Variants in CKAP2 observed in about 807,000 individuals in gnomAD.
CKAP2 encodes cytoskeleton-associated protein 2.
Under a neutral mutation model 58.4 loss-of-function variants are expected in CKAP2, and 46 were observed. The observed-to-expected ratio is 0.79, with a 90% CI of 0.62 to 1.01. The LOEUF is 1.01. CKAP2 is among the 50% of genes least tolerant of loss of function. The pLI, the probability that CKAP2 is intolerant of heterozygous loss-of-function variation, is 0.00. For missense variants in CKAP2, 809 were observed against 796.4 expected (o/e 1.02, Z -0.19); for synonymous variants, 293 against 280.9 (o/e 1.04, Z -0.43).
At chr13:52,460,674 G>C (rs765221166) in intron 2 of CKAP2, among the ~76,000 whole-genome samples, 1 of 149,010 alleles carries the variant, frequency 6.7e-6, no homozygotes, top group Non-Finnish European at 1.5e-5. Flanking sequence ...GGATGGTCTC[G>C]ATCTCCTGAC....
chr13:52,455,655 C>CGGTGGT, intron 1 of CKAP2, 29 bp downstream of exon 1: 1 of 1,403,786 alleles, frequency 7.1e-7, no homozygotes, highest in East Asian at 2.7e-5. Flanking sequence ...GTGGCGGTGG[C>CGGTGGT]GGTGGCGGTG....
intron 5 of CKAP2, 65 bp downstream of exon 5, chr13:52,462,632 T>C: frequency 2.4e-6 from 3 of 1,258,962 alleles, no homozygotes; most frequent in East Asian, 2.4e-5. Context: ...CATTATTTCA[T>C]TAAATTATAT....
chr13:52,469,876 G>A (rs1005057494), intron 7 of CKAP2, among the ~76,000 whole-genome samples: 43 of 151,916 alleles, frequency 2.8e-4, no homozygotes, highest in Non-Finnish European at 4.9e-4. Context: ...GATTACAGGC[G>A]TGAGCCACCG....
intron 2 of CKAP2, among the ~76,000 whole-genome samples, chr13:52,457,341 T>G (rs1001289500): frequency 6.6e-6 from 1 of 152,198 alleles, no homozygotes; most frequent in Non-Finnish European, 1.5e-5. Context: ...AGCTTTTTAC[T>G]CAGTGTATGG....
Position 52,455,905 on chromosome 13 carries a change from G to T in CKAP2, c.70+279G>T, listed in dbSNP as rs1958470520. 4 of 1,138,388 alleles carry T rather than the reference G, an allele frequency of 3.5e-6. No individual in the cohort carries two copies. The South Asian group carries it at 1.3e-4, about 37-fold the overall frequency. The allele number at this position is 1,138,388 out of a possible 1,614,324, so 70.5% of individuals were successfully genotyped here. On this transcript the variant is annotated intron_variant, in intron 1 of 8. Coordinates refer to ENST00000258607, the MANE Select transcript of CKAP2 (RefSeq NM_018204.5). Reference sequence around the variant, plus strand: ...GGCGAGGGGAAACGCGCGGGCCTCAGGCCGGGGTCGGTGTCGGAGACCCTG... The same window carrying T: ...GGCGAGGGGAAACGCGCGGGCCTCATGCCGGGGTCGGTGTCGGAGACCCTG...
rs2137831886 is a variant in CKAP2, at chr13:52,457,470, T to C, written c.155+863T>C. ...TTGTTAAAATATCTTAGATAGTACA[T>C]AGCTGTAGCAAAAACAAAAACCCAT... On this transcript the variant is annotated intron_variant, in intron 2 of 8. Coordinates refer to ENST00000258607, the MANE Select transcript of CKAP2 (RefSeq NM_018204.5). Among the ~76,000 whole-genome samples the C allele has an allele frequency of 1.3e-5, 2 of 152,252 alleles. 1 individual carries two copies. The highest frequency in any genetic ancestry group is 4.1e-4 in the South Asian group (2 of 4,822).
chr13:52,455,576 C>T lies in CKAP2; in HGVS notation c.20C>T (p.Pro7Leu), dbSNP rs914267734. The T allele has an allele frequency of 5.0e-6, 8 of 1,612,486 alleles. No individual in the cohort carries two copies. In the African/African-American group the frequency reaches 9.4e-5, roughly 19 times the overall value. Residue 7 changes from proline (P) to leucine (L), a missense_variant, in exon 1 of 9, where the codon CCC (proline) becomes CTC (leucine). By Grantham distance (98) the Pro-to-Leu change is moderately conservative. Transcript: ENST00000258607. ...GCTACGATGAGCACACCGGCCGTGC[C>T]CCAGGACCTGCAGCTGCCCCCGAGT... MSTPAV[P>L]QDLQLPPSQR...
At chr13:52,466,851 G>A (rs183141475) in intron 6 of CKAP2, among the ~76,000 whole-genome samples, 191 of 152,116 alleles carry the variant, frequency 1.3e-3, no homozygotes, top group Middle Eastern at 3.4e-3. Context: ...ATCCCAACAC[G>A]TTGGGAAGCC....
At chr13:52,459,051 A>G (rs947142955) in intron 2 of CKAP2, among the ~76,000 whole-genome samples, 1 of 152,174 alleles carries the variant, frequency 6.6e-6, no homozygotes, top group African/African-American at 2.4e-5. Flanking sequence ...AAGACAGAAT[A>G]GGATTAAGTC....
At position 52,456,753 on chromosome 13, in the gene CKAP2, G is replaced by C; in HGVS notation, c.155+146G>C. Reference sequence around the variant, plus strand: ...CTTACATATTATTTTACGTCTTTTTGTGGTACAACGTCTTTAAAATCTGGT... The same window carrying C: ...CTTACATATTATTTTACGTCTTTTTCTGGTACAACGTCTTTAAAATCTGGT... On this transcript the variant is annotated intron_variant, in intron 2 of 8. Coordinates refer to ENST00000258607, the MANE Select transcript of CKAP2 (RefSeq NM_018204.5). 6.4e-6 allele frequency: 4 copies of C among 627,064 alleles called. No individual in the cohort carries two copies. The East Asian group carries it at 1.1e-4, about 17-fold the overall frequency. 38.8% of individuals were successfully genotyped at this position (627,064 alleles called of 1,614,324 possible).
chr13:52,474,974 C>T lies in CKAP2; in HGVS notation c.1882C>T (p.Arg628Ter), dbSNP rs768288248. The T allele has an allele frequency of 3.7e-6, 6 of 1,613,978 alleles. No homozygotes were observed. The highest frequency in any genetic ancestry group is 1.7e-5 in the Admixed American group (1 of 60,020). The change falls in exon 9 of 9, where the codon CGA (arginine) becomes TGA (stop). Residue 628 changes from arginine to a stop codon, truncating the protein, a stop_gained. Coordinates refer to ENST00000258607, the MANE Select transcript of CKAP2 (RefSeq NM_018204.5). LOFTEE classifies it high-confidence loss of function. ...GTTTTTAACACCAGTGAGACGTTCT[C>T]GACGTCTTCAAGAGAAAACTTCTAA... The part of the protein sequence containing the change: ...LKFLTPVRRS[R>*]RLQEKTSKLP...
rs1958651958 is a variant in CKAP2, at chr13:52,465,391, C to T, written c.1402C>T (p.Leu468Phe). ...KLVKYWICLA[L>F]IEPITSPIEN... ...TGTTAAGTATTGGATATGTCTTGCA[C>T]TTATTGAACCAATCACAAGTCCTAT... The change falls in exon 6 of 9, where the codon CTT (leucine) becomes TTT (phenylalanine). Residue 468 changes from leucine (L) to phenylalanine (F), a missense_variant. Transcript: ENST00000258607. 6.2e-7 allele frequency: 1 copy of T among 1,613,264 alleles called. No individual in the cohort carries two copies. Among genetic ancestry groups the T allele is most frequent in the African/African-American group, 1.3e-5 (1 of 74,914 alleles).
Position 52,462,579 on chromosome 13 carries a change from A to G in CKAP2, c.1305+12A>G, listed in dbSNP as rs896044807. 2.5e-6 allele frequency: 4 copies of G among 1,596,628 alleles called. No homozygotes were observed. The highest frequency in any genetic ancestry group is 2.7e-5 in the African/African-American group (2 of 74,030). ...ACTTGATTAATGAGGTAGAGTCTTT[A>G]TATTTGCTTAGCATTTTATAGTTTG... On this transcript the variant is annotated intron_variant, in intron 5 of 8. Coordinates refer to ENST00000258607, the MANE Select transcript of CKAP2 (RefSeq NM_018204.5).
chr13:52,461,592 A>G lies in CKAP2; in HGVS notation c.766A>G (p.Ile256Val), dbSNP rs758769443. The change falls in exon 4 of 9, where the codon ATT (isoleucine) becomes GTT (valine). Residue 256 changes from isoleucine to valine, a missense_variant. Physicochemically the swap from Ile to Val is conservative, Grantham distance 29. This residue lies in a region of CKAP2 where 523 missense variants were observed against 492.4 expected (regional missense o/e 1.06). Transcript: ENST00000258607. ...GAACACACAACTTGTGCGACCTCCTATTAGAAGTCATCACAGTAATACCCG... is the reference window on the plus strand; with the variant it reads ...GAACACACAACTTGTGCGACCTCCTGTTAGAAGTCATCACAGTAATACCCG... ...SQNTQLVRPPIRSHHSNTRDT... is the reference protein window; with the variant it reads ...SQNTQLVRPPVRSHHSNTRDT... 16 of 1,614,050 alleles carry G rather than the reference A, an allele frequency of 9.9e-6. No individual in the cohort carries two copies. Among genetic ancestry groups the G allele is most frequent in the East Asian group, 6.7e-5 (3 of 44,898 alleles).
chr13:52,463,955 A>G (rs951726186), intron 5 of CKAP2, among the ~76,000 whole-genome samples: 1 of 152,122 alleles, frequency 6.6e-6, no homozygotes, highest in Non-Finnish European at 1.5e-5. Context: ...TGTGATGTTG[A>G]TACTCAAAAG....
At chr13:52,457,485 C>T (rs1958505747) in intron 2 of CKAP2, among the ~76,000 whole-genome samples, 1 of 152,046 alleles carries the variant, frequency 6.6e-6, no homozygotes, top group Admixed American at 6.6e-5. Context: ...GTAGCAAAAA[C>T]AAAAACCCAT....
rs1488206713 is a variant in CKAP2 at position 52,474,040 on chromosome 13, T to G, written c.1758T>G (p.Ser586Arg). The G allele has an allele frequency of 6.2e-7, 1 of 1,613,756 alleles. No individual in the cohort carries two copies. The highest frequency in any genetic ancestry group is 8.5e-7 in the Non-Finnish European group (1 of 1,179,846). The part of the protein sequence containing the change: ...VKTPNTETRT[S>R]CLIKYNVSTT... Reference sequence around the variant, plus strand: ...CCCCCAATACAGAAACGAGGACAAGTTGCTTAATTAAATATAATGTGTCTA... The same window carrying G: ...CCCCCAATACAGAAACGAGGACAAGGTGCTTAATTAAATATAATGTGTCTA... Residue 586 changes from serine to arginine, a missense_variant, in exon 8 of 9, where the codon AGT becomes AGG. Ser to Arg is a moderately radical substitution (Grantham distance 110). Around this residue, in one of 3 missense-constraint regions of CKAP2, gnomAD observed 283 missense variants for 287.6 expected, o/e 0.98. Coordinates refer to ENST00000258607, the MANE Select transcript of CKAP2 (RefSeq NM_018204.5).
At position 52,461,343 on chromosome 13, in the gene CKAP2, C is replaced by G. The variant is rs149254206; in HGVS notation, c.517C>G (p.Pro173Ala). Residue 173 changes from proline to alanine, a missense_variant, in exon 4 of 9, where the codon CCT (proline) becomes GCT (alanine). Physicochemically the swap from Pro to Ala is conservative, Grantham distance 27. This residue lies in a region of CKAP2 where 523 missense variants were observed against 492.4 expected (regional missense o/e 1.06). Coordinates refer to ENST00000258607, the MANE Select transcript of CKAP2 (RefSeq NM_018204.5). ...QKQDANMPKK[P>A]VLGSYRGQIV... ...GCAAGATGCTAACATGCCCAAGAAA[C>G]CTGTGCTTGGATCTTATCGTGGCCA... 654 of 1,614,128 alleles carry G rather than the reference C, an allele frequency of 4.1e-4. 6 individuals carry two copies. In the South Asian group the frequency reaches 4.4e-3, roughly 11 times the overall value.
In CKAP2 at chr13:52,456,669, TGTAAA is replaced by T. The variant is rs1236231077; in HGVS notation, c.155+67_155+71del. On this transcript the variant is annotated intron_variant, in intron 2 of 8. Transcript: ENST00000258607. ...TTGTATCAGATCTGTCCAATGAAAA[TGTAAA>T]GTAAGCCATATCTGTAATTTTAAAT... is the stretch of plus-strand genomic sequence containing the variant. 3.9e-6 allele frequency: 5 copies of T among 1,273,228 alleles called. No individual in the cohort carries two copies. The African/African-American group carries it at 6.0e-5, about 15-fold the overall frequency. 78.9% of individuals were successfully genotyped at this position (1,273,228 alleles called of 1,614,324 possible).
Sources: gnomAD v4.1 joint callset for allele counts (sites outside exome capture counted in the v4.1 genomes callset) on GRCh38, gnomAD v4.1.1 for gene constraint, gnomAD v4.1.1 regional missense constraint, MANE v1.5 for transcripts, NCBI Gene and HGNC (gene_info 2026-07-23, HGNC 2026-07-21) for gene names.